Variants in ALDH1L1 observed in about 807,000 individuals in gnomAD.
ALDH1L1 encodes the protein aldehyde dehydrogenase 1 family member L1, also known as cytosolic 10-formyltetrahydrofolate dehydrogenase.
Under a neutral mutation model 101.1 loss-of-function variants are expected in ALDH1L1, and 68 were observed. The ratio of observed to expected loss-of-function variants is 0.67; its 90% CI spans 0.55 to 0.82. The LOEUF (loss-of-function observed/expected upper bound fraction) is 0.82, where lower values mean the gene tolerates loss of function less well. ALDH1L1 is among the 40% of genes least tolerant of loss of function. The pLI, the probability that ALDH1L1 is intolerant of heterozygous loss-of-function variation, is 0.00. For synonymous variants in ALDH1L1, 486 were observed against 470.8 expected, an observed-to-expected ratio of 1.03 and a Z score of -0.42; for missense variants, 1,087 against 1,172.7, an observed-to-expected ratio of 0.93 and a Z score of 1.07.
At chr3:126,132,784 GATA>G (rs149157937) in intron 12 of ALDH1L1, among the ~76,000 whole-genome samples, 7,438 of 152,246 alleles carry the variant, frequency 0.049, 586 homozygotes, top group African/African-American at 0.17. Flanking sequence ...TCAGGTAGAT[GATA>G]ATTTCATCAC....
intron 1 of ALDH1L1, among the ~76,000 whole-genome samples, chr3:126,163,808 T>C (rs559582825): frequency 6.6e-6 from 1 of 152,296 alleles, no homozygotes; most frequent in South Asian, 2.1e-4. Flanking sequence ...AGAGCTGGTA[T>C]TTTATTTGTT....
intron 1 of ALDH1L1, among the ~76,000 whole-genome samples, chr3:126,164,612 A>T (rs763564689): frequency 6.6e-6 from 1 of 152,162 alleles, no homozygotes; most frequent in South Asian, 2.1e-4. Flanking sequence ...TATTTATCCA[A>T]TCCACCATTG....
intron 8 of ALDH1L1, among the ~76,000 whole-genome samples, chr3:126,149,032 C>T (rs2080755588): frequency 1.3e-5 from 2 of 152,214 alleles, no homozygotes; most frequent in Admixed American, 1.3e-4. Flanking sequence ...TGGGTGAGAG[C>T]TTTTGCTATA....
intron 18 of ALDH1L1, 51 bp downstream of exon 18, chr3:126,114,506 C>A: frequency 7.1e-7 from 1 of 1,403,804 alleles, no homozygotes; most frequent in Non-Finnish European, 9.5e-7. Context: ...CTGGTCCCTA[C>A]AGTCCCTGTT....
At chr3:126,137,584 T>C (rs2080473630) in intron 10 of ALDH1L1, among the ~76,000 whole-genome samples, 1 of 152,248 alleles carries the variant, frequency 6.6e-6, no homozygotes, top group Non-Finnish European at 1.5e-5. Context: ...GACTCAGAGT[T>C]TGGCCCATGT....
chr3:126,112,632 C>T, intron 19 of ALDH1L1, 150 bp downstream of exon 19: 1 of 685,092 alleles, frequency 1.5e-6, no homozygotes. Context: ...ACAGCTCCCG[C>T]TGTGGGTTCC....
chr3:126,158,447 G>A lies in ALDH1L1; in HGVS notation c.320C>T (p.Pro107Leu), dbSNP rs149080804. Residue 107 changes from proline to leucine, a missense_variant, in exon 3 of 23, where the codon CCG (proline) becomes CTG (leucine). Pro to Leu is a moderately conservative substitution (Grantham distance 98). Coordinates refer to ENST00000393434, the MANE Select transcript of ALDH1L1 (RefSeq NM_012190.4). ...CCCTCGGTGCCTAGGGAGCAGTGACGGGTGATAGATGATGGAGCCATGCCG... is the reference window on the plus strand; with the variant it reads ...CCCTCGGTGCCTAGGGAGCAGTGACAGGTGATAGATGATGGAGCCATGCCG... The part of the protein sequence containing the change: ...APRHGSIIYH[P>L]SLLPRHRGAS... The A allele has an allele frequency of 1.1e-3, 1,727 of 1,612,356 alleles. 1 individual carries two copies. The highest frequency in any genetic ancestry group is 1.3e-3 in the Non-Finnish European group (1,573 of 1,178,980).
intron 1 of ALDH1L1, among the ~76,000 whole-genome samples, chr3:126,175,441 T>C (rs1014981532): frequency 2.6e-5 from 4 of 152,102 alleles, no homozygotes; most frequent in African/African-American, 4.8e-5. Flanking sequence ...ATATTTCTCA[T>C]AAACATAGAT....
chr3:126,187,040 G>A (rs1159896653), intron 1 of ALDH1L1, among the ~76,000 whole-genome samples: 1 of 152,180 alleles, frequency 6.6e-6, no homozygotes, highest in African/African-American at 2.4e-5. Context: ...GGGGAGCGGG[G>A]ATCGAGGAGA....
rs376879126 is a variant in ALDH1L1 at position 126,147,062 on chromosome 3, G to A, written c.985-136C>T. On this transcript the variant is annotated intron_variant, in intron 8 of 22. Coordinates refer to ENST00000393434, the MANE Select transcript of ALDH1L1 (RefSeq NM_012190.4). Reference sequence around the variant, plus strand: ...CTTCTCTATGTACCTCCAAGTTGTTGCCTCATCCCAGGAGGCTTAATGGTC... The same window carrying A: ...CTTCTCTATGTACCTCCAAGTTGTTACCTCATCCCAGGAGGCTTAATGGTC... The A allele has an allele frequency of 1.6e-3, 1,252 of 778,936 alleles. 28 individuals are homozygous for A. The South Asian group carries it at 0.022, about 14-fold the overall frequency. The allele number at this position is 778,936 out of a possible 1,614,324, so 48.3% of individuals were successfully genotyped here. A position where few individuals can be genotyped will look rare whatever the true frequency, so the allele number is the denominator to read the frequency against.
intron 14 of ALDH1L1, among the ~76,000 whole-genome samples, chr3:126,126,746 C>T (rs1289066238): frequency 6.6e-6 from 1 of 152,224 alleles, no homozygotes; most frequent in Non-Finnish European, 1.5e-5. Context: ...TGCCCCCACT[C>T]CCCAATTCGT....
intron 21 of ALDH1L1, among the ~76,000 whole-genome samples, chr3:126,106,876 A>G (rs1332310627): frequency 2.6e-5 from 4 of 152,234 alleles, no homozygotes; most frequent in African/African-American, 9.6e-5. Flanking sequence ...GGCTGTGAGA[A>G]ACATGCTGGA....
chr3:126,187,539 T>G (rs1455504685), intron 1 of ALDH1L1, among the ~76,000 whole-genome samples: 1 of 152,060 alleles, frequency 6.6e-6, no homozygotes, highest in Non-Finnish European at 1.5e-5. Flanking sequence ...GGAAGGACCC[T>G]GGGCCGTATT....
intron 20 of ALDH1L1, among the ~76,000 whole-genome samples, chr3:126,109,397 T>C (rs534723656): frequency 3.9e-5 from 6 of 152,198 alleles, no homozygotes; most frequent in African/African-American, 1.4e-4. Context: ...TTGAAGGGCC[T>C]GGGGGACATC....
intron 1 of ALDH1L1, among the ~76,000 whole-genome samples, chr3:126,190,562 C>T (rs1385552404): frequency 1.3e-5 from 2 of 152,186 alleles, no homozygotes; most frequent in Non-Finnish European, 2.9e-5. Flanking sequence ...TTAAGTAAGT[C>T]ATCATAGAGG....
At chr3:126,185,985 T>C (rs1160262120), upstream of ALDH1L1, among the ~76,000 whole-genome samples, 1 of 151,950 alleles carries the variant, frequency 6.6e-6, no homozygotes, top group Non-Finnish European at 1.5e-5. Context: ...AAAGTACTCA[T>C]GTTCATAGAG....
intron 11 of ALDH1L1, 98 bp downstream of exon 11, chr3:126,136,666 G>T: frequency 6.6e-7 from 1 of 1,506,038 alleles, no homozygotes; most frequent in South Asian, 1.3e-5. Flanking sequence ...TCCAAGCAGA[G>T]ACTCTCAGGG....
intron 22 of ALDH1L1, 58 bp downstream of exon 22, chr3:126,105,668 G>A (rs1208612768): frequency 6.3e-7 from 1 of 1,596,986 alleles, no homozygotes; most frequent in African/African-American, 1.3e-5. Flanking sequence ...AAGTGGTTTT[G>A]AACAGATGTT....
At chr3:126,138,507 G>A (rs777170735) in intron 9 of ALDH1L1, among the ~76,000 whole-genome samples, 46 of 152,052 alleles carry the variant, frequency 3.0e-4, no homozygotes, top group Non-Finnish European at 5.1e-4. Flanking sequence ...AAATATGGAC[G>A]GCAAATAAGA....
Sources: allele counts gnomAD v4.1 joint callset (sites outside exome capture counted in the v4.1 genomes callset), GRCh38; gene constraint gnomAD v4.1.1; transcripts MANE v1.5; gene names NCBI Gene and HGNC (gene_info 2026-07-23, HGNC 2026-07-21).